QTGAL: variants seen among roughly 807,000 people sequenced by gnomAD.
QTGAL encodes the protein queuosine-tRNA galactosyltransferase.
At chr17:83,049,653 C>CA in the QTGAL span, among the ~76,000 whole-genome samples, 3 of 152,026 alleles carry the variant, frequency 2.0e-5, no homozygotes, top group South Asian at 2.1e-4. Context: ...CCTCAGCCCA[C>CA]AAAAAACAAT....
the QTGAL span, chr17:82,942,576 G>T: frequency 6.8e-7 from 1 of 1,472,924 alleles, no homozygotes; most frequent in Non-Finnish European, 9.4e-7. Flanking sequence ...GAAGGGTAGC[G>T]CTGGCCCTTG....
At chr17:82,997,657 GAATA>G in the QTGAL span, among the ~76,000 whole-genome samples, 5 of 152,148 alleles carry the variant, frequency 3.3e-5, no homozygotes, top group African/African-American at 1.2e-4. Context: ...TCACATGAAT[GAATA>G]AAGAAATGTG....
chr17:82,970,607 GCGACC>G, the QTGAL span, among the ~76,000 whole-genome samples: 4 of 129,988 alleles, frequency 3.1e-5, 1 homozygote, highest in African/African-American at 1.1e-4. Flanking sequence ...CGGCGTGGCC[GCGACC>G]TCCCCACCCG....
chr17:83,020,121 T>C, the QTGAL span, among the ~76,000 whole-genome samples: 1 of 152,126 alleles, frequency 6.6e-6, no homozygotes, highest in Non-Finnish European at 1.5e-5. Flanking sequence ...TCTAAAGAGA[T>C]AGTGAATTTG....
chr17:82,946,747 A>C, the QTGAL span: 3 of 715,656 alleles, frequency 4.2e-6, no homozygotes, highest in South Asian at 4.5e-5. Context: ...TACAGAAGAA[A>C]GGCTGGAAAT....
At chr17:82,981,487 C>T in the QTGAL span, 3 of 152,266 alleles carry the variant, frequency 2.0e-5, no homozygotes, top group African/African-American at 7.2e-5. Context: ...AGAAATGTTA[C>T]ACAAGTTAGA....
chr17:82,947,601 G>A, the QTGAL span: 2 of 152,544 alleles, frequency 1.3e-5, no homozygotes, highest in African/African-American at 4.8e-5. Flanking sequence ...AGCACCTCCT[G>A]AACAAGTTCC....
At chr17:83,002,818 T>C in the QTGAL span, among the ~76,000 whole-genome samples, 1 of 152,088 alleles carries the variant, frequency 6.6e-6, no homozygotes, top group Non-Finnish European at 1.5e-5. Flanking sequence ...GCTGAAACAC[T>C]AGCTGTGGGA....
the QTGAL span, among the ~76,000 whole-genome samples, chr17:83,040,448 C>T: frequency 1.3e-5 from 2 of 152,118 alleles, no homozygotes; most frequent in African/African-American, 2.4e-5. Context: ...AAGCTAAGAA[C>T]ACAAGCTAAT....
chr17:83,024,679 C>T, the QTGAL span, among the ~76,000 whole-genome samples: 8 of 152,376 alleles, frequency 5.3e-5, no homozygotes, highest in South Asian at 4.1e-4. Flanking sequence ...GCTGAGACTG[C>T]GGAAGCTGCG....
chr17:82,979,938 T>C, the QTGAL span, among the ~76,000 whole-genome samples: 3 of 152,208 alleles, frequency 2.0e-5, no homozygotes, highest in Non-Finnish European at 2.9e-5. Context: ...TGTGGTCAGA[T>C]GGTTTTTTGA....
At chr17:82,956,710 G>A in the QTGAL span, 2 of 1,585,668 alleles carry the variant, frequency 1.3e-6, no homozygotes, top group Non-Finnish European at 1.7e-6. This position sits in a 1 kb window ranked among gnomAD's most constrained non-coding sequence, Gnocchi z 5.7. Flanking sequence ...TCACGCAGAT[G>A]ACGAAGGGTG....
chr17:83,013,811 G>A, the QTGAL span, among the ~76,000 whole-genome samples: 338 of 152,268 alleles, frequency 2.2e-3, no homozygotes, highest in African/African-American at 7.6e-3. Flanking sequence ...TAAAACCCAA[G>A]TGATCACCGC....
the QTGAL span, among the ~76,000 whole-genome samples, chr17:82,968,811 C>T: frequency 6.6e-6 from 1 of 152,068 alleles, no homozygotes; most frequent in Non-Finnish European, 1.5e-5. Context: ...ACCAGCTTGA[C>T]CAACATGGAG....
the QTGAL span, chr17:82,945,760 T>A: frequency 6.6e-6 from 1 of 151,960 alleles, no homozygotes; most frequent in Non-Finnish European, 1.5e-5. Flanking sequence ...GAAAAAAAAA[T>A]GTCTCCAGAC....
chr17:83,034,094 C>T, the QTGAL span, among the ~76,000 whole-genome samples: 7 of 152,142 alleles, frequency 4.6e-5, no homozygotes, highest in East Asian at 1.9e-4. Flanking sequence ...GCGCACACCA[C>T]CACGCCTGGC....
the QTGAL span, among the ~76,000 whole-genome samples, chr17:83,030,597 C>T: frequency 1.3e-5 from 2 of 152,214 alleles, no homozygotes; most frequent in African/African-American, 2.4e-5. Context: ...AGGATGAGAA[C>T]GGCCAGGCTT....
At chr17:82,990,713 G>A in the QTGAL span, among the ~76,000 whole-genome samples, 5 of 152,332 alleles carry the variant, frequency 3.3e-5, no homozygotes, top group African/African-American at 4.8e-5. Flanking sequence ...CCAGGACTGT[G>A]ACAGGCACTG....
the QTGAL span, among the ~76,000 whole-genome samples, chr17:83,019,926 G>C: frequency 6.6e-6 from 1 of 151,984 alleles, no homozygotes; most frequent in Non-Finnish European, 1.5e-5. Context: ...TAGAGACAGC[G>C]TTTCACCACG....
Sources: gnomAD v4.1 joint callset for allele counts (sites outside exome capture counted in the v4.1 genomes callset) on GRCh38, gnomAD v4.1.1 for gene constraint, Gnocchi (gnomAD v3.1) non-coding constraint, MANE v1.5 for transcripts, NCBI Gene and HGNC (gene_info 2026-07-23, HGNC 2026-07-21) for gene names.